The following FIGN variants were observed in gnomAD, a reference collection of about 807,000 sequenced individuals.
FIGN encodes the protein fidgetin.
In FIGN, 11 loss-of-function variants were observed where a neutral mutation model predicts 51.3. That is an observed-to-expected ratio of 0.21 (90% CI 0.13 to 0.35). FIGN has a LOEUF of 0.35. Ranked by LOEUF, FIGN falls within the 10% of genes least tolerant of loss-of-function variation. The pLI, the probability that FIGN is intolerant of heterozygous loss-of-function variation, is 1.00. For missense variants in FIGN, 857 were observed against 943.6 expected, an observed-to-expected ratio of 0.91 and a Z score of 1.20; for synonymous variants, 407 against 363.2, an observed-to-expected ratio of 1.12 and a Z score of -1.37.
intron 2 of FIGN, among the ~76,000 whole-genome samples, chr2:163,630,915 C>A (rs1190540650): frequency 6.6e-6 from 1 of 152,180 alleles, no homozygotes; most frequent in Non-Finnish European, 1.5e-5. Flanking sequence ...ATACTCCTCT[C>A]AGCCCTAAAC....
At chr2:163,639,384 T>C (rs1386195716) in intron 2 of FIGN, among the ~76,000 whole-genome samples, 1 of 152,166 alleles carries the variant, frequency 6.6e-6, no homozygotes, top group African/African-American at 2.4e-5. Context: ...TTGCAATATA[T>C]AATTATAAGC....
At chr2:163,635,243 T>A (rs1306121795) in intron 2 of FIGN, among the ~76,000 whole-genome samples, 1 of 152,200 alleles carries the variant, frequency 6.6e-6, no homozygotes, top group African/African-American at 2.4e-5. Context: ...CTACCAAATA[T>A]CTAAGCTGTA....
chr2:163,667,448 A>G (rs2105330984), intron 2 of FIGN, among the ~76,000 whole-genome samples: 1 of 152,214 alleles, frequency 6.6e-6, no homozygotes, highest in East Asian at 1.9e-4. Flanking sequence ...TAAGCTTCCT[A>G]GTGGGAAAAA....
intron 2 of FIGN, among the ~76,000 whole-genome samples, chr2:163,658,092 CTG>C (rs1356481824): frequency 1.3e-5 from 2 of 152,130 alleles, no homozygotes; most frequent in Non-Finnish European, 2.9e-5. Context: ...TGCCACAACT[CTG>C]TTTTTTGGGA....
chr2:163,663,949 C>T (rs1001975807), intron 2 of FIGN, among the ~76,000 whole-genome samples: 2 of 151,956 alleles, frequency 1.3e-5, no homozygotes, highest in Admixed American at 6.6e-5. Context: ...TGACGACTTA[C>T]GAGTTTTAAC....
At chr2:163,734,778 T>C in intron 2 of FIGN, 125 bp downstream of exon 2, 2 of 808,414 alleles carry the variant, frequency 2.5e-6, no homozygotes, top group Non-Finnish European at 3.8e-6. Flanking sequence ...ACATATATTT[T>C]TTAAAAAAAG....
chr2:163,697,547 A>C (rs1573957457), intron 2 of FIGN, among the ~76,000 whole-genome samples: 1 of 152,252 alleles, frequency 6.6e-6, no homozygotes, highest in Admixed American at 6.5e-5. Context: ...AAACACCCAA[A>C]CACTCCTCTT....
intron 2 of FIGN, among the ~76,000 whole-genome samples, chr2:163,651,348 G>C (rs1294678342): frequency 6.6e-6 from 1 of 152,148 alleles, no homozygotes; most frequent in Non-Finnish European, 1.5e-5. Context: ...TGTAGTCCCA[G>C]CTACTCGGTA....
At chr2:163,671,268 C>G (rs906550007) in intron 2 of FIGN, among the ~76,000 whole-genome samples, 1 of 152,044 alleles carries the variant, frequency 6.6e-6, no homozygotes, top group African/African-American at 2.4e-5. Flanking sequence ...AAATACAAGG[C>G]AGCAAAAACA....
intron 2 of FIGN, among the ~76,000 whole-genome samples, chr2:163,634,111 TG>T (rs1186017838): frequency 1.5e-4 from 22 of 151,434 alleles, no homozygotes; most frequent in Non-Finnish European, 1.8e-4. Context: ...TGTGTGTGTG[TG>T]TGTGTGTGTG....
intron 2 of FIGN, among the ~76,000 whole-genome samples, chr2:163,675,042 G>A (rs1240957528): frequency 2.0e-5 from 3 of 152,164 alleles, no homozygotes; most frequent in African/African-American, 7.2e-5. Context: ...ATCTATGAAA[G>A]TATTTAGATG....
At chr2:163,660,877 A>ATTTTT (rs1559012631) in intron 2 of FIGN, among the ~76,000 whole-genome samples, 1 of 25,172 alleles carries the variant, frequency 4.0e-5, no homozygotes. Context: ...ATATATATAT[A>ATTTTT]TATTTTTTTT....
At chr2:163,616,061 T>C (rs1040599948) in intron 2 of FIGN, among the ~76,000 whole-genome samples, 4 of 152,314 alleles carry the variant, frequency 2.6e-5, no homozygotes, top group African/African-American at 9.6e-5. Context: ...ACTCCATGTA[T>C]ATATAAATGA....
intron 2 of FIGN, among the ~76,000 whole-genome samples, chr2:163,652,361 A>AACACAC (rs60276598): frequency 0.018 from 2,450 of 139,430 alleles, 50 homozygotes; most frequent in African/African-American, 0.044. Context: ...CACACACACA[A>AACACAC]ACACACACAC....
At chr2:163,695,450 A>T (rs1238036113) in intron 2 of FIGN, among the ~76,000 whole-genome samples, 1 of 152,078 alleles carries the variant, frequency 6.6e-6, no homozygotes, top group East Asian at 1.9e-4. Context: ...CCTCTGCTCA[A>T]ATATCACCTT....
chr2:163,666,959 G>A (rs1317946902), intron 2 of FIGN, among the ~76,000 whole-genome samples: 5 of 150,348 alleles, frequency 3.3e-5, no homozygotes, highest in Non-Finnish European at 5.9e-5. Flanking sequence ...GTGTGTATGT[G>A]TATATATATA....
At position 163,611,637 on chromosome 2, in the gene FIGN, G is replaced by A. The variant is rs1167482002; in HGVS notation, c.195C>T (p.Ser65=). 2 of 1,614,172 alleles carry A rather than the reference G, an allele frequency of 1.2e-6. No individual in the cohort carries two copies. The highest frequency in any genetic ancestry group is 1.7e-6 in the Non-Finnish European group (2 of 1,180,018). The stretch of plus-strand genomic sequence containing the variant: ...TCTCTGCATATTTTTTTAGTAGGTT[G>A]GATGCAGTCAGAGCAGATATGTCAT... ...ANDDISALTA[S]NLLKKYAEKY... Residue 65 remains serine, a synonymous_variant, in exon 3 of 3, where the codon TCC becomes TCT. Transcript: ENST00000333129.
At chr2:163,655,624 T>C (rs1180737509) in intron 2 of FIGN, among the ~76,000 whole-genome samples, 1 of 152,178 alleles carries the variant, frequency 6.6e-6, no homozygotes, top group Non-Finnish European at 1.5e-5. Flanking sequence ...ATACATCATA[T>C]TGGAAAATCA....
rs762264109 is a variant in FIGN, at chr2:163,610,749, C to T, written c.1083G>A (p.Arg361=). The T allele has an allele frequency of 6.2e-7, 1 of 1,614,160 alleles. No homozygotes were observed. Among genetic ancestry groups the T allele is most frequent in the Non-Finnish European group, 8.5e-7 (1 of 1,180,032 alleles). The change falls in exon 3 of 3, where the codon CGG becomes CGA. Residue 361 remains arginine (R), a synonymous_variant. Coordinates refer to ENST00000333129, the MANE Select transcript of FIGN (RefSeq NM_018086.4). ...CAGCACTTCTGTCAAAGCCATTCCC[C>T]CGATTTGTGTTTGAAATGCTGTTGT... The part of the protein sequence containing the change: ...MPDNSISNTN[R]GNGFDRSAET...
Sources: allele counts gnomAD v4.1 joint callset (sites outside exome capture counted in the v4.1 genomes callset), GRCh38; gene constraint gnomAD v4.1.1; transcripts MANE v1.5; gene names NCBI Gene and HGNC (gene_info 2026-07-23, HGNC 2026-07-21).